The following VCAN variants were observed in gnomAD, a reference collection of about 807,000 sequenced individuals.
VCAN encodes versican core protein.
A neutral mutation model predicts 245.5 loss-of-function variants in VCAN; 44 were observed. That is an observed-to-expected ratio of 0.18 (90% CI 0.14 to 0.23). The LOEUF is 0.23. Among genes scored for constraint, VCAN ranks in the 10% least tolerant of loss-of-function variants. VCAN has a pLI of 1.00. For synonymous variants in VCAN, 1,413 were observed against 1,437.0 expected, an observed-to-expected ratio of 0.98 and a Z score of 0.38; for missense variants, 3,793 against 4,057.9, an observed-to-expected ratio of 0.93 and a Z score of 1.77.
Position 83,512,245 on chromosome 5 carries a change from G to A in VCAN, c.891G>A (p.Gly297=), listed in dbSNP as rs767261686. The A allele has an allele frequency of 3.0e-5, 48 of 1,614,054 alleles. No individual in the cohort carries two copies. The highest frequency in any genetic ancestry group is 4.0e-5 in the Non-Finnish European group (47 of 1,180,050). Residue 297 remains glycine (G), a synonymous_variant, in exon 6 of 15, where the codon GGG becomes GGA. Transcript: ENST00000265077. ...WRNGFDQCDY[G]WLSDASVRHP... is the part of the protein sequence containing the mutation. Reference sequence around the variant, plus strand: ...ACGGCTTTGACCAGTGCGATTACGGGTGGCTGTCGGATGCCAGCGTGCGCC... The same window carrying A: ...ACGGCTTTGACCAGTGCGATTACGGATGGCTGTCGGATGCCAGCGTGCGCC...
intron 5 of VCAN, among the ~76,000 whole-genome samples, chr5:83,497,568 A>G (rs1251872250): frequency 6.6e-6 from 1 of 152,188 alleles, no homozygotes; most frequent in Admixed American, 6.5e-5. Flanking sequence ...ATGATGGCTT[A>G]TTAGAGATGA....
At chr5:83,551,131 G>A (rs1037663419) in intron 10 of VCAN, among the ~76,000 whole-genome samples, 1 of 150,200 alleles carries the variant, frequency 6.7e-6, no homozygotes, top group Non-Finnish European at 1.5e-5. Context: ...GGCACTGTTA[G>A]TAGTGAAGTG....
intron 6 of VCAN, among the ~76,000 whole-genome samples, chr5:83,513,114 T>A (rs1393473256): frequency 6.6e-6 from 1 of 152,206 alleles, no homozygotes; most frequent in Non-Finnish European, 1.5e-5. Flanking sequence ...CCTCAAGTAA[T>A]TTTAGCAGTA....
Position 83,540,447 on chromosome 5 carries a change from T to A in VCAN, c.7444T>A (p.Phe2482Ile). ...PSAKAVTADGFPTVSVMLPLH... is the reference protein window; with the variant it reads ...PSAKAVTADGIPTVSVMLPLH... ...CGCTAAAGCTGTTACTGCTGATGGA[T>A]TCCCAACAGTTTCAGTGATGCTGCC... The change falls in exon 8 of 15, where the codon TTC becomes ATC. Residue 2482 changes from phenylalanine to isoleucine, a missense_variant. Transcript: ENST00000265077. The A allele has an allele frequency of 1.2e-6, 2 of 1,613,958 alleles. No homozygotes were observed. Among genetic ancestry groups the A allele is most frequent in the South Asian group, 1.1e-5 (1 of 91,084 alleles).
In VCAN at chr5:83,548,525, T is replaced by C. The variant is rs745445914; in HGVS notation, c.9493+441T>C. Among the ~76,000 whole-genome samples the C allele has an allele frequency of 5.3e-5, 8 of 152,326 alleles. No individual in the cohort carries two copies. The East Asian group carries it at 1.5e-3, about 29-fold the overall frequency. ...GTTAGAATACATTTGCTTTGGCACA[T>C]GCTAAGTAGAAGATATTGTGAATCT... is the stretch of plus-strand genomic sequence containing the variant. On this transcript the variant is annotated intron_variant, in intron 10 of 14. Transcript: ENST00000265077.
intron 3 of VCAN, among the ~76,000 whole-genome samples, chr5:83,492,994 C>A (rs916429676): frequency 6.6e-6 from 1 of 152,236 alleles, no homozygotes; most frequent in Non-Finnish European, 1.5e-5. Flanking sequence ...CAAGTCTTCT[C>A]ACTCATAAAT....
rs1383960271 is a variant in VCAN, at chr5:83,580,441, A to C, written c.*7A>C. The C allele has an allele frequency of 6.2e-7, 1 of 1,613,700 alleles. No homozygotes were observed. The highest frequency in any genetic ancestry group is 1.1e-5 in the South Asian group (1 of 91,052). ...GCAGGAGTCGAGGCGCTGATCCCTA[A>C]AATGGCGAACATGTGTTTTCATCAT... is the stretch of plus-strand genomic sequence containing the variant. On this transcript the variant is annotated 3_prime_UTR_variant, in exon 15 of 15. Transcript: ENST00000265077.
At chr5:83,507,384 C>T (rs1580615461) in intron 5 of VCAN, among the ~76,000 whole-genome samples, 1 of 152,340 alleles carries the variant, frequency 6.6e-6, no homozygotes, top group Non-Finnish European at 1.5e-5. Flanking sequence ...TTTTCTCTCA[C>T]TGAAGGCTGT....
At chr5:83,572,665 A>T (rs1748329314) in intron 13 of VCAN, 105 bp downstream of exon 13, 5 of 1,356,572 alleles carry the variant, frequency 3.7e-6, no homozygotes, top group Admixed American at 1.8e-5. Flanking sequence ...CAAACTGGAT[A>T]TGTCCATGTA....
chr5:83,537,487 G>T lies in VCAN; in HGVS notation c.4484G>T (p.Gly1495Val). ...CCTGAAACATCAGAACATTTTTCAG[G>T]TGGTGAGCCTGATGTTTTCCCCACA... ...TYPETSEHFS[G>V]GEPDVFPTVP... Residue 1495 changes from glycine to valine, a missense_variant, in exon 8 of 15, where the codon GGT becomes GTT. This residue lies in a region of VCAN where 3,182 missense variants were observed against 3,250.3 expected (regional missense o/e 0.98). Transcript: ENST00000265077. 6.2e-7 allele frequency: 1 copy of T among 1,613,964 alleles called. No homozygotes were observed.
At position 83,521,463 on chromosome 5, in the gene VCAN, G is replaced by T; in HGVS notation, c.3157G>T (p.Ala1053Ser). 6.2e-7 allele frequency: 1 copy of T among 1,614,106 alleles called. No individual in the cohort carries two copies. The highest frequency in any genetic ancestry group is 8.5e-7 in the Non-Finnish European group (1 of 1,180,006). ...ACCAGTTCCTGCTCTCAGTTCTACA[G>T]CTTGGACTCCCAAGGAGGCAGTAAC... ...EKPVPALSST[A>S]WTPKEAVTPL... Residue 1053 changes from alanine to serine, a missense_variant, in exon 7 of 15, where the codon GCT becomes TCT. Transcript: ENST00000265077.
chr5:83,544,388 CAG>C (rs1747122015), intron 8 of VCAN, among the ~76,000 whole-genome samples: 1 of 152,216 alleles, frequency 6.6e-6, no homozygotes, highest in Non-Finnish European at 1.5e-5. Context: ...ACTTAACACT[CAG>C]AAAGTTTGAG....
rs757707742 is a variant in VCAN, at chr5:83,522,174, C to A, written c.3868C>A (p.Pro1290Thr). The A allele has an allele frequency of 1.2e-6, 2 of 1,608,892 alleles. No homozygotes were observed. The highest frequency in any genetic ancestry group is 2.2e-5 in the South Asian group (2 of 91,076). ...GACTTCAAGTCCTCCTGCTACACAG[C>A]CAACAAGACCACCCACTGTGGAAGA... Reference protein sequence around the residue: ...FTTSSPPATQPTRPPTVEDKE... With the variant: ...FTTSSPPATQTTRPPTVEDKE... Residue 1290 changes from proline to threonine, a missense_variant, in exon 7 of 15, where the codon CCA becomes ACA. This residue lies in a region of VCAN where 3,182 missense variants were observed against 3,250.3 expected (regional missense o/e 0.98). Coordinates refer to ENST00000265077, the MANE Select transcript of VCAN (RefSeq NM_004385.5).
At chr5:83,482,341 C>A (rs951561175) in intron 1 of VCAN, among the ~76,000 whole-genome samples, 7 of 152,186 alleles carry the variant, frequency 4.6e-5, no homozygotes, top group African/African-American at 9.7e-5. Flanking sequence ...AGGAAGAGAT[C>A]CCCTCACATC....
At chr5:83,496,612 A>G (rs1050590982) in intron 5 of VCAN, among the ~76,000 whole-genome samples, 2 of 152,252 alleles carry the variant, frequency 1.3e-5, no homozygotes, top group Admixed American at 6.5e-5. Flanking sequence ...TGTTTACAAT[A>G]ACACTGTTCC....
At chr5:83,511,263 A>AT (rs1745646137) in intron 5 of VCAN, among the ~76,000 whole-genome samples, 1 of 151,854 alleles carries the variant, frequency 6.6e-6, no homozygotes, top group Admixed American at 6.6e-5. Context: ...TAAAAAAAAA[A>AT]GAAGTCTCTT....
chr5:83,483,623 A>T, intron 2 of VCAN, 35 bp downstream of exon 2: 1 of 1,588,386 alleles, frequency 6.3e-7, no homozygotes, highest in Non-Finnish European at 8.6e-7. Flanking sequence ...GTGTTAATTG[A>T]AATAAAAATG....
At chr5:83,545,480 A>T in intron 8 of VCAN, 57 bp from the exon 9 acceptor site, 1 of 1,441,636 alleles carries the variant, frequency 6.9e-7, no homozygotes, top group Non-Finnish European at 9.8e-7. Context: ...ATGCTAAAAT[A>T]CACGCAAACA....
rs537180501 is a variant in VCAN, at chr5:83,541,120, T to C, written c.8117T>C (p.Ile2706Thr). Residue 2706 changes from isoleucine (I) to threonine (T), a missense_variant, in exon 8 of 15, where the codon ATT becomes ACT. Coordinates refer to ENST00000265077, the MANE Select transcript of VCAN (RefSeq NM_004385.5). The stretch of plus-strand genomic sequence containing the variant: ...AAGTCTGCCACAGTTATTCCAGAGA[T>C]TGAAGGAATAAAAGCTGAAGCAAAA... Reference protein sequence around the residue: ...PRKSATVIPEIEGIKAEAKAL... With the variant: ...PRKSATVIPETEGIKAEAKAL... 1.9e-6 allele frequency: 3 copies of C among 1,613,994 alleles called. No individual in the cohort carries two copies. The highest frequency in any genetic ancestry group is 1.7e-5 in the Admixed American group (1 of 59,988).
Sources: gnomAD v4.1 joint callset for allele counts (sites outside exome capture counted in the v4.1 genomes callset) on GRCh38, gnomAD v4.1.1 for gene constraint, gnomAD v4.1.1 regional missense constraint, MANE v1.5 for transcripts, NCBI Gene and HGNC (gene_info 2026-07-23, HGNC 2026-07-21) for gene names.